The following DHX57 variants were observed in gnomAD, a reference collection of about 807,000 sequenced individuals.
DHX57 encodes putative ATP-dependent RNA helicase DHX57.
DHX57 carries 105 observed loss-of-function variants against 156.2 expected under a neutral mutation model. The ratio of observed to expected loss-of-function variants is 0.67; its 90% CI spans 0.57 to 0.79. DHX57 has a LOEUF of 0.79. Ranked by LOEUF, DHX57 falls within the 30% of genes least tolerant of loss-of-function variation. DHX57 has a pLI of 0.00. For missense variants in DHX57, 1,847 were observed against 1,661.9 expected, an observed-to-expected ratio of 1.11 and a Z score of -1.94; for synonymous variants, 704 against 595.6, an observed-to-expected ratio of 1.18 and a Z score of -2.65.
intron 1 of DHX57, among the ~76,000 whole-genome samples, chr2:38,875,394 T>C (rs1053298039): frequency 1.3e-5 from 2 of 152,088 alleles, no homozygotes; most frequent in Non-Finnish European, 2.9e-5. Flanking sequence ...GATATCCAGA[T>C]CTCGTATCCT....
At chr2:38,863,245 A>G (rs923703668) in intron 3 of DHX57, 116 bp downstream of exon 3, 5 of 1,102,322 alleles carry the variant, frequency 4.5e-6, no homozygotes, top group Non-Finnish European at 6.3e-6. Context: ...ACTTTCAACT[A>G]ATTAAATGGC....
chr2:38,847,276 G>A (rs1672338103), intron 10 of DHX57, among the ~76,000 whole-genome samples: 1 of 152,180 alleles, frequency 6.6e-6, no homozygotes, highest in South Asian at 2.1e-4. Context: ...GCAGTGTATA[G>A]GTAGAGAAAT....
chr2:38,818,848 A>T (rs746159378), intron 19 of DHX57, 29 bp downstream of exon 19: 11 of 1,612,940 alleles, frequency 6.8e-6, no homozygotes, highest in Non-Finnish European at 9.3e-6. Context: ...TAATAAAAAA[A>T]TGAAGAAAAA....
rs1436642790 is a variant in DHX57 at position 38,798,401 on chromosome 2, C to G, written c.4059G>C (p.Gln1353His). Residue 1353 changes from glutamine to histidine, a missense_variant, in exon 24 of 24, where the codon CAG becomes CAC. Physicochemically the swap from Gln to His is conservative, Grantham distance 24 (BLOSUM62 0). Coordinates refer to ENST00000457308, the MANE Select transcript of DHX57 (RefSeq NM_198963.3). ...LVKELRCELD[Q>H]LLQDKIKNPS... ...GGTTTTTAATTTTATCCTGGAGAAGCTGATCAAGTTCGCAACGAAGCTCCT... is the reference window on the plus strand; with the variant it reads ...GGTTTTTAATTTTATCCTGGAGAAGGTGATCAAGTTCGCAACGAAGCTCCT... 2.5e-6 allele frequency: 4 copies of G among 1,613,942 alleles called. No homozygotes were observed. The East Asian group carries it at 6.7e-5, about 27-fold the overall frequency.
At chr2:38,815,284 C>G (rs540331672) in intron 20 of DHX57, among the ~76,000 whole-genome samples, 2 of 152,018 alleles carry the variant, frequency 1.3e-5, no homozygotes, top group Non-Finnish European at 2.9e-5. Context: ...TGGCTGGTCT[C>G]GAACTCCTGA....
At chr2:38,868,070 G>T (rs1199752530) in intron 2 of DHX57, 112 bp downstream of exon 2, 6 of 1,353,778 alleles carry the variant, frequency 4.4e-6, no homozygotes, top group Non-Finnish European at 6.1e-6. Flanking sequence ...CAAAGAGGAA[G>T]ACAATTTGAC....
At chr2:38,851,617 G>T (rs971316235) in intron 9 of DHX57, among the ~76,000 whole-genome samples, 2 of 152,086 alleles carry the variant, frequency 1.3e-5, no homozygotes, top group African/African-American at 4.8e-5. Context: ...ATATTCTACA[G>T]ATCCTTAGGT....
At chr2:38,860,146 T>C (rs1168898015) in intron 5 of DHX57, among the ~76,000 whole-genome samples, 2 of 151,818 alleles carry the variant, frequency 1.3e-5, no homozygotes, top group Non-Finnish European at 2.9e-5. Flanking sequence ...GGCTTACTTG[T>C]GGTGTAAGAA....
chr2:38,822,875 C>A (rs1670894773), intron 17 of DHX57, 118 bp downstream of exon 17: 6 of 1,112,146 alleles, frequency 5.4e-6, no homozygotes, highest in Non-Finnish European at 7.6e-6. Flanking sequence ...TAAAAATTCA[C>A]AGCTAACATA....
In DHX57 at chr2:38,806,644, C is replaced by T; in HGVS notation, c.3731G>A (p.Arg1244Lys). ...KFQKTSTGAVRMQPKSAELKF... is the reference protein window; with the variant it reads ...KFQKTSTGAVKMQPKSAELKF... ...CAACTCAGCTGATTTTGGTTGCATT[C>T]TGACAGCTCCAGTACTGGTCTTCTG... The change falls in exon 22 of 24, where the codon AGA (arginine) becomes AAA (lysine). Residue 1244 changes from arginine (R) to lysine (K), a missense_variant. Arg to Lys is a conservative substitution (Grantham distance 26). Coordinates refer to ENST00000457308, the MANE Select transcript of DHX57 (RefSeq NM_198963.3). 2 of 1,614,160 alleles carry T rather than the reference C, an allele frequency of 1.2e-6. No individual in the cohort carries two copies. The highest frequency in any genetic ancestry group is 8.5e-7 in the Non-Finnish European group (1 of 1,180,012).
chr2:38,842,078 T>C lies in DHX57; in HGVS notation c.2425+927A>G, dbSNP rs1407955845. ...CCTTTACCAAGTGAACAAGTTAACA[T>C]TGCCAATAATGGGACAAGCCAACAC... On this transcript the variant is annotated intron_variant, in intron 12 of 23. Transcript: ENST00000457308. Among the ~76,000 whole-genome samples, 7 of 152,200 alleles carry C rather than the reference T, an allele frequency of 4.6e-5. No individual in the cohort carries two copies. The East Asian group carries it at 1.3e-3, about 29-fold the overall frequency.
intron 22 of DHX57, among the ~76,000 whole-genome samples, chr2:38,804,093 C>T (rs1269332319): frequency 6.6e-6 from 1 of 152,210 alleles, no homozygotes; most frequent in Non-Finnish European, 1.5e-5. Context: ...AAACCATTGT[C>T]ATCTCACAGA....
chr2:38,836,767 C>A (rs1234040659), intron 13 of DHX57, among the ~76,000 whole-genome samples: 5 of 142,154 alleles, frequency 3.5e-5, no homozygotes, highest in African/African-American at 7.9e-5. Flanking sequence ...GAGAGTGAGA[C>A]CCTGTCTCAA....
At chr2:38,805,151 A>T (rs1669880272) in intron 22 of DHX57, among the ~76,000 whole-genome samples, 1 of 152,142 alleles carries the variant, frequency 6.6e-6, no homozygotes, top group Non-Finnish European at 1.5e-5. Flanking sequence ...CAACAACAAA[A>T]AGTATATATA....
intron 2 of DHX57, among the ~76,000 whole-genome samples, chr2:38,866,665 T>C (rs1033768231): frequency 1.3e-5 from 2 of 152,172 alleles, no homozygotes; most frequent in African/African-American, 4.8e-5. Context: ...TGGTGCATGG[T>C]AGGCATTCAG....
chr2:38,859,914 G>C (rs1028109932), intron 5 of DHX57, among the ~76,000 whole-genome samples: 3 of 150,818 alleles, frequency 2.0e-5, no homozygotes, highest in Non-Finnish European at 2.9e-5. Flanking sequence ...AGGCTGAAGT[G>C]ATTCCCCCAC....
intron 11 of DHX57, among the ~76,000 whole-genome samples, chr2:38,846,490 G>C (rs938411658): frequency 6.6e-6 from 1 of 151,674 alleles, no homozygotes; most frequent in Non-Finnish European, 1.5e-5. Flanking sequence ...ATGGGGGTGT[G>C]TGTCTGTAGT....
chr2:38,870,330 C>T (rs913359638), intron 1 of DHX57, among the ~76,000 whole-genome samples: 2 of 152,174 alleles, frequency 1.3e-5, no homozygotes, highest in African/African-American at 4.8e-5. Context: ...TTCTCTGATT[C>T]ATTAAAAATC....
chr2:38,867,154 T>C (rs1455184328), intron 2 of DHX57: 2 of 152,212 alleles, frequency 1.3e-5, no homozygotes, highest in African/African-American at 4.8e-5. Flanking sequence ...CAACATGCTG[T>C]ATAGATTTGT....
Sources: allele counts gnomAD v4.1 joint callset (sites outside exome capture counted in the v4.1 genomes callset), GRCh38; gene constraint gnomAD v4.1.1; transcripts MANE v1.5; gene names NCBI Gene and HGNC (gene_info 2026-07-23, HGNC 2026-07-21).